Variants in TFDP2 observed in about 807,000 individuals in gnomAD.
TFDP2 encodes the protein transcription factor Dp-2, also known as transcription factor Dp-2 (E2F dimerization partner 2).
In TFDP2, 17 loss-of-function variants were observed where a neutral mutation model predicts 59.3. That is an observed-to-expected ratio of 0.29 (90% CI 0.20 to 0.43). TFDP2 has a LOEUF of 0.43. Ranked by LOEUF, TFDP2 falls within the 20% of genes least tolerant of loss-of-function variation. The probability of loss-of-function intolerance (pLI) is 1.00; values close to 1 mark genes in which losing one functional copy is unlikely to be tolerated. For synonymous variants in TFDP2, 180 were observed against 194.7 expected (o/e 0.92, Z 0.63); for missense variants, 391 against 528.8 (o/e 0.74, Z 2.56).
chr3:142,082,839 C>T (rs1473048240), intron 3 of TFDP2, among the ~76,000 whole-genome samples: 1 of 152,016 alleles, frequency 6.6e-6, no homozygotes, highest in Non-Finnish European at 1.5e-5. Flanking sequence ...GATACAATCC[C>T]TAAAAAACTG....
chr3:141,968,760 A>ATAAC lies in TFDP2; in HGVS notation c.732+1312_732+1313insGTTA, dbSNP rs200432718. 3.3e-4 allele frequency among the ~76,000 whole-genome samples: 23 copies of ATAAC among 69,084 alleles called. 3 individuals are homozygous for ATAAC. Among genetic ancestry groups the ATAAC allele is most frequent in the Non-Finnish European group, 4.6e-4 (17 of 37,300 alleles). The allele number at this position is 69,084 out of a possible 152,430, so 45.3% of individuals were successfully genotyped here. ...ATATATCTCATATATAGATATATAT[A>ATAAC]ACATATATATCTCATATATAGATAT... On this transcript the variant is annotated intron_variant, in intron 9 of 12. Transcript: ENST00000489671.
intron 1 of TFDP2, among the ~76,000 whole-genome samples, chr3:142,135,712 T>C (rs1428948348): frequency 6.6e-6 from 1 of 152,126 alleles, no homozygotes; most frequent in Non-Finnish European, 1.5e-5. Context: ...GCTTCATCCA[T>C]GTCCCTGCAA....
chr3:142,107,634 C>T lies in TFDP2; in HGVS notation c.-92-5793G>A, dbSNP rs574126055. On this transcript the variant is annotated intron_variant, in intron 1 of 12. Coordinates refer to ENST00000489671, the MANE Select transcript of TFDP2 (RefSeq NM_001178139.2). ...TGCTTCACATGTATATCATATCATT[C>T]GCACCTCAACTTTATCAGATAAATA... Among the ~76,000 whole-genome samples the T allele has an allele frequency of 9.7e-4, 147 of 152,226 alleles. 3 individuals are homozygous for T. In the South Asian group the frequency reaches 0.03, roughly 31 times the overall value.
intron 3 of TFDP2, among the ~76,000 whole-genome samples, chr3:142,064,659 CA>C (rs2060018569): frequency 6.6e-6 from 1 of 152,080 alleles, no homozygotes; most frequent in South Asian, 2.1e-4. Context: ...AAATGGGTCC[CA>C]AATGGACTCA....
intron 9 of TFDP2, among the ~76,000 whole-genome samples, chr3:141,967,299 T>C (rs1430054552): frequency 6.7e-5 from 10 of 150,074 alleles, no homozygotes; most frequent in African/African-American, 1.7e-4. Flanking sequence ...TTTTTTGTTT[T>C]TTTTTTTTTT....
intron 6 of TFDP2, among the ~76,000 whole-genome samples, chr3:141,983,958 T>C (rs1941773172): frequency 6.6e-6 from 1 of 152,198 alleles, no homozygotes; most frequent in Admixed American, 6.5e-5. Context: ...ATTTCACTTT[T>C]GGGTATACAC....
At chr3:142,122,082 T>TC (rs887879372) in intron 1 of TFDP2, among the ~76,000 whole-genome samples, 3 of 152,136 alleles carry the variant, frequency 2.0e-5, no homozygotes, top group Non-Finnish European at 4.4e-5. Context: ...GCATAAAGGA[T>TC]CCTTGATCCC....
intron 12 of TFDP2, 57 bp downstream of exon 12, chr3:141,952,854 T>C (rs1279677107): frequency 1.3e-6 from 2 of 1,577,226 alleles, no homozygotes; most frequent in Non-Finnish European, 8.7e-7. Context: ...GGCTCACCCC[T>C]ACACAGACAG....
intron 1 of TFDP2, among the ~76,000 whole-genome samples, chr3:142,125,313 C>T (rs1013781924): frequency 2.0e-5 from 3 of 152,152 alleles, no homozygotes; most frequent in Admixed American, 6.6e-5. Flanking sequence ...GATGAAAAGA[C>T]TGATACCAAT....
chr3:141,999,977 T>C (rs1258758759), intron 4 of TFDP2, among the ~76,000 whole-genome samples: 1 of 152,054 alleles, frequency 6.6e-6, no homozygotes, highest in Non-Finnish European at 1.5e-5. Context: ...CCTCGTGATC[T>C]GCCTGCCTGA....
At chr3:142,005,589 G>T in intron 3 of TFDP2, 45 bp from the exon 4 acceptor site, 1 of 1,405,702 alleles carries the variant, frequency 7.1e-7, no homozygotes, top group Non-Finnish European at 9.8e-7. Flanking sequence ...GCCATACCAA[G>T]GCCATTTTCT....
At position 141,993,471 on chromosome 3, in the gene TFDP2, G is replaced by A. The variant is rs192636199; in HGVS notation, c.356+67C>T. ...AAAAACATCGCATTAAACCAGAGCA[G>A]TGGCAATGCCAACAGCCTCTCTATA... On this transcript the variant is annotated intron_variant, in intron 6 of 12. Coordinates refer to ENST00000489671, the MANE Select transcript of TFDP2 (RefSeq NM_001178139.2). 8,116 of 971,312 alleles carry A rather than the reference G, an allele frequency of 8.4e-3. 55 individuals are homozygous for A. The highest frequency in any genetic ancestry group is 0.011 in the Non-Finnish European group (7,013 of 644,234). The allele number at this position is 971,312 out of a possible 1,614,324, so 60.2% of individuals were successfully genotyped here.
chr3:142,009,290 T>C (rs1944452462), intron 3 of TFDP2, among the ~76,000 whole-genome samples: 1 of 152,212 alleles, frequency 6.6e-6, no homozygotes, highest in South Asian at 2.1e-4. Flanking sequence ...CCAACCAAGA[T>C]CATAACTCAT....
At chr3:142,017,486 C>A (rs576444801) in intron 3 of TFDP2, among the ~76,000 whole-genome samples, 1 of 152,072 alleles carries the variant, frequency 6.6e-6, no homozygotes, top group African/African-American at 2.4e-5. Context: ...GCTGTGGTGC[C>A]AGTTTGTAGA....
intron 1 of TFDP2, among the ~76,000 whole-genome samples, chr3:142,118,822 G>A (rs1450817290): frequency 6.6e-6 from 1 of 152,110 alleles, no homozygotes; most frequent in African/African-American, 2.4e-5. Flanking sequence ...TATTACTGGT[G>A]TCCCTAATTA....
chr3:142,043,554 GTTTCT>G (rs1947137606), intron 3 of TFDP2: 1 of 684,894 alleles, frequency 1.5e-6, no homozygotes, highest in Admixed American at 2.4e-5. Context: ...GCAGATAAAG[GTTTCT>G]TTTATTTTAA....
intron 3 of TFDP2, among the ~76,000 whole-genome samples, chr3:142,075,403 T>C (rs2060407222): frequency 6.6e-6 from 1 of 152,168 alleles, no homozygotes; most frequent in Non-Finnish European, 1.5e-5. Context: ...AGCCATCATG[T>C]TTGCCTCAAT....
At chr3:142,107,527 C>T (rs911151284) in intron 1 of TFDP2, among the ~76,000 whole-genome samples, 2 of 152,056 alleles carry the variant, frequency 1.3e-5, no homozygotes, top group Admixed American at 1.3e-4. Flanking sequence ...CCACCGCACC[C>T]GGCCCTAGAA....
In TFDP2 at chr3:141,952,468, A is replaced by G. The variant is rs765008630; in HGVS notation, c.*45T>C. 3.4e-6 allele frequency: 5 copies of G among 1,475,806 alleles called. No homozygotes were observed. In the South Asian group the frequency reaches 7.6e-5, roughly 23 times the overall value. The allele number at this position is 1,475,806 out of a possible 1,614,324, so 91.4% of individuals were successfully genotyped here. A position where few individuals can be genotyped will look rare whatever the true frequency, so the allele number is the denominator to read the frequency against. On this transcript the variant is annotated 3_prime_UTR_variant, in exon 13 of 13. Coordinates refer to ENST00000489671, the MANE Select transcript of TFDP2 (RefSeq NM_001178139.2). ...TCAAAAACAAGAGCTCACACTACAA[A>G]CACACATGAGCATCACATATTGAAA...
Sources: allele counts gnomAD v4.1 joint callset (sites outside exome capture counted in the v4.1 genomes callset), GRCh38; gene constraint gnomAD v4.1.1; transcripts MANE v1.5; gene names NCBI Gene and HGNC (gene_info 2026-07-23, HGNC 2026-07-21).